Variants in FHIT observed in about 807,000 individuals in gnomAD.
The protein encoded by FHIT is fragile histidine triad diadenosine triphosphatase.
FHIT carries 19 observed loss-of-function variants against 17.9 expected under a neutral mutation model. That is an observed-to-expected ratio of 1.06 (90% CI 0.74 to 1.56). The LOEUF (loss-of-function observed/expected upper bound fraction) is 1.56, where lower values mean the gene tolerates loss of function less well. Among genes scored for constraint, FHIT ranks in the 40% most tolerant of loss-of-function variants. The probability of loss-of-function intolerance (pLI) is 0.00; values close to 1 mark genes in which losing one functional copy is unlikely to be tolerated. For synonymous variants in FHIT, 81 were observed against 69.7 expected, an observed-to-expected ratio of 1.16 and a Z score of -0.81; for missense variants, 248 against 189.2, an observed-to-expected ratio of 1.31 and a Z score of -1.82.
At chr3:60,128,774 G>C (rs1164015464) in intron 5 of FHIT, among the ~76,000 whole-genome samples, 2 of 152,146 alleles carry the variant, frequency 1.3e-5, no homozygotes, top group East Asian at 3.9e-4. Flanking sequence ...TCCATTCCAT[G>C]TATGCTCAAT....
chr3:60,445,133 C>G (rs746315805), intron 5 of FHIT, among the ~76,000 whole-genome samples: 32 of 151,998 alleles, frequency 2.1e-4, no homozygotes, highest in Admixed American at 2.0e-3. Context: ...TACTAATGCA[C>G]GTAAGTATTG....
intron 5 of FHIT, among the ~76,000 whole-genome samples, chr3:60,477,041 G>A (rs2033381668): frequency 6.6e-6 from 1 of 152,006 alleles, no homozygotes; most frequent in Non-Finnish European, 1.5e-5. Context: ...TGCATATGCT[G>A]AATATAGTTC....
intron 5 of FHIT, among the ~76,000 whole-genome samples, chr3:60,258,380 G>A (rs773286269): frequency 6.6e-6 from 1 of 151,900 alleles, no homozygotes. Flanking sequence ...AAAACTCCAG[G>A]CCCACTTCCT....
At chr3:60,424,201 T>C (rs1702579453) in intron 5 of FHIT, among the ~76,000 whole-genome samples, 1 of 152,146 alleles carries the variant, frequency 6.6e-6, no homozygotes. Context: ...TTAAATCACT[T>C]GGCCCAAAGT....
At chr3:60,157,220 C>A (rs560926332) in intron 5 of FHIT, among the ~76,000 whole-genome samples, 69 of 152,186 alleles carry the variant, frequency 4.5e-4, no homozygotes, top group Middle Eastern at 6.8e-3. Flanking sequence ...GCAAAAGGGC[C>A]TGAAAGCATG....
chr3:59,770,677 T>A (rs1187876049), intron 8 of FHIT, among the ~76,000 whole-genome samples: 1 of 152,296 alleles, frequency 6.6e-6, no homozygotes, highest in Non-Finnish European at 1.5e-5. Context: ...ACCCAGGTTG[T>A]GGTACTTGAT....
intron 1 of FHIT, among the ~76,000 whole-genome samples, chr3:61,206,507 G>A (rs1248091779): frequency 4.6e-5 from 7 of 152,118 alleles, no homozygotes; most frequent in Non-Finnish European, 8.8e-5. Flanking sequence ...GCAGTGGTTT[G>A]TAGTTCTCCT....
At chr3:60,163,261 T>C (rs554753875) in intron 5 of FHIT, among the ~76,000 whole-genome samples, 1 of 152,198 alleles carries the variant, frequency 6.6e-6, no homozygotes, top group East Asian at 1.9e-4. Flanking sequence ...GCCTCCAAAA[T>C]GAGTGCTCTT....
chr3:61,091,936 TAAAAA>T (rs58005720), intron 2 of FHIT, among the ~76,000 whole-genome samples: 2 of 61,276 alleles, frequency 3.3e-5, no homozygotes. Flanking sequence ...AGACCTTGTC[TAAAAA>T]AAAAAAAAAA....
chr3:61,107,205 T>C (rs2036017421), intron 2 of FHIT, among the ~76,000 whole-genome samples: 1 of 152,182 alleles, frequency 6.6e-6, no homozygotes, highest in African/African-American at 2.4e-5. Context: ...AAATTTCGCA[T>C]GTAAGTGAGA....
chr3:61,199,635 T>G (rs1487910236), intron 2 of FHIT, among the ~76,000 whole-genome samples: 4 of 152,136 alleles, frequency 2.6e-5, no homozygotes, highest in Non-Finnish European at 4.4e-5. Flanking sequence ...CATGAAAAAT[T>G]CAGCCCCAGA....
At chr3:60,175,085 T>C (rs1306809784) in intron 5 of FHIT, among the ~76,000 whole-genome samples, 1 of 152,222 alleles carries the variant, frequency 6.6e-6, no homozygotes, top group East Asian at 1.9e-4. Flanking sequence ...CTTCGAATTT[T>C]ATCTTCTGTG....
At chr3:59,858,219 C>A (rs1702253167) in intron 8 of FHIT, among the ~76,000 whole-genome samples, 1 of 148,844 alleles carries the variant, frequency 6.7e-6, no homozygotes, top group Non-Finnish European at 1.5e-5. Flanking sequence ...GGTGATCTTC[C>A]TTCCTTTTCC....
intron 7 of FHIT, among the ~76,000 whole-genome samples, chr3:59,963,263 T>C (rs1466070023): frequency 1.3e-5 from 2 of 148,336 alleles, no homozygotes; most frequent in Non-Finnish European, 3.0e-5. Flanking sequence ...CGAGACTCCA[T>C]CTCAAAAAAT....
intron 8 of FHIT, among the ~76,000 whole-genome samples, chr3:59,772,539 T>C (rs1702119963): frequency 6.6e-6 from 1 of 152,024 alleles, no homozygotes; most frequent in Non-Finnish European, 1.5e-5. Flanking sequence ...CACAGAGAGG[T>C]CGGGGAACTG....
chr3:59,883,509 G>A (rs999310934), intron 8 of FHIT, among the ~76,000 whole-genome samples: 1 of 152,116 alleles, frequency 6.6e-6, no homozygotes, highest in East Asian at 1.9e-4. Flanking sequence ...TATTCACTAC[G>A]ACGAGAATGG....
intron 4 of FHIT, among the ~76,000 whole-genome samples, chr3:60,695,366 A>G (rs1553700413): frequency 6.6e-6 from 1 of 152,204 alleles, no homozygotes; most frequent in African/African-American, 2.4e-5. Context: ...ACTGCACTCC[A>G]GCCTGGGCGA....
intron 5 of FHIT, among the ~76,000 whole-genome samples, chr3:60,332,203 G>T (rs1037388249): frequency 1.3e-5 from 2 of 152,166 alleles, no homozygotes; most frequent in African/African-American, 4.8e-5. Context: ...TCAGAAAATG[G>T]TATGAGAGAG....
chr3:61,071,723 C>T (rs2106741661), intron 2 of FHIT, among the ~76,000 whole-genome samples: 1 of 152,144 alleles, frequency 6.6e-6, no homozygotes, highest in East Asian at 1.9e-4. Flanking sequence ...GCATATTATT[C>T]TACACAGAAA....
Sources: gnomAD v4.1 joint callset for allele counts (sites outside exome capture counted in the v4.1 genomes callset) on GRCh38, gnomAD v4.1.1 for gene constraint, MANE v1.5 for transcripts, NCBI Gene and HGNC (gene_info 2026-07-23, HGNC 2026-07-21) for gene names.